Variants in PTCHD4 observed in about 807,000 individuals in gnomAD.
The protein encoded by PTCHD4 is patched domain containing 4.
In PTCHD4, 33 loss-of-function variants were observed where a neutral mutation model predicts 58.1. That is an observed-to-expected ratio of 0.57 (90% CI 0.43 to 0.76). The LOEUF is 0.76. Among genes scored for constraint, PTCHD4 ranks in the 30% least tolerant of loss-of-function variants. PTCHD4 has a pLI of 0.00. For missense variants in PTCHD4, 1,058 were observed against 1,027.1 expected, an observed-to-expected ratio of 1.03 and a Z score of -0.41; for synonymous variants, 478 against 409.6, an observed-to-expected ratio of 1.17 and a Z score of -2.02.
chr6:47,881,043 C>T (rs1403786852), intron 4 of PTCHD4, among the ~76,000 whole-genome samples: 1 of 152,100 alleles, frequency 6.6e-6, no homozygotes, highest in African/African-American at 2.4e-5. Flanking sequence ...TACATAGGAA[C>T]CTTTTCTGTG....
At chr6:48,063,452 G>A (rs1424583368) in intron 3 of PTCHD4, among the ~76,000 whole-genome samples, 11 of 152,118 alleles carry the variant, frequency 7.2e-5, no homozygotes, top group African/African-American at 2.7e-4. Flanking sequence ...ATAAAGGGCT[G>A]TTGTTACAGA....
Position 47,864,015 on chromosome 6 carries a change from T to A in PTCHD4, c.*14288A>T, listed in dbSNP as rs181244463. ...GAGAAGCTGACCTTTGTCCTCACCTTCTTCCCTGGACAGATTTAATCCAAC... is the reference window on the plus strand; with the variant it reads ...GAGAAGCTGACCTTTGTCCTCACCTACTTCCCTGGACAGATTTAATCCAAC... On this transcript the variant is annotated 3_prime_UTR_variant, in exon 5 of 5. Coordinates refer to ENST00000339488, the MANE Select transcript of PTCHD4 (RefSeq NM_001384253.1). Among the ~76,000 whole-genome samples the A allele has an allele frequency of 5.0e-4, 76 of 152,114 alleles. No homozygotes were observed. The highest frequency in any genetic ancestry group is 1.6e-3 in the African/African-American group (68 of 41,526).
At chr6:48,018,781 C>G (rs546618089) in intron 3 of PTCHD4, among the ~76,000 whole-genome samples, 1 of 152,172 alleles carries the variant, frequency 6.6e-6, no homozygotes, top group African/African-American at 2.4e-5. Flanking sequence ...TTCTTAAAAG[C>G]AGGCATTCCG....
In PTCHD4 at chr6:48,073,425, T is replaced by C. The variant is rs186879634; in HGVS notation, c.-969-3499A>G. Among the ~76,000 whole-genome samples the C allele has an allele frequency of 1.3e-3, 192 of 152,314 alleles. 1 individual carries two copies. The highest frequency in any genetic ancestry group is 2.5e-3 in the Admixed American group (38 of 15,294). ...GGTCCTGTTTGTTCATAAATATAGA[T>C]TACATTTATTCACTTGCTCAATTCA... On this transcript the variant is annotated intron_variant, in intron 1 of 4. Transcript: ENST00000339488.
intron 4 of PTCHD4, among the ~76,000 whole-genome samples, chr6:47,905,713 G>A (rs998909964): frequency 1.3e-5 from 2 of 152,214 alleles, no homozygotes; most frequent in African/African-American, 4.8e-5. Context: ...ATCACACAGA[G>A]TAGAGGCTTG....
intron 1 of PTCHD4, among the ~76,000 whole-genome samples, chr6:48,075,216 T>C (rs537996481): frequency 6.6e-6 from 1 of 152,300 alleles, no homozygotes; most frequent in African/African-American, 2.4e-5. Context: ...TGTTATGTTG[T>C]TGCATGTTGT....
intron 3 of PTCHD4, among the ~76,000 whole-genome samples, chr6:48,039,351 T>A (rs891252571): frequency 6.6e-6 from 1 of 152,120 alleles, no homozygotes; most frequent in African/African-American, 2.4e-5. Flanking sequence ...AGGATCATCT[T>A]ATTTAGGATT....
intron 1 of PTCHD4, among the ~76,000 whole-genome samples, chr6:48,106,907 C>A (rs1395183189): frequency 6.6e-6 from 1 of 152,100 alleles, no homozygotes; most frequent in African/African-American, 2.4e-5. Flanking sequence ...CATGAAGGAC[C>A]TCTTCAAGGG....
intron 1 of PTCHD4, among the ~76,000 whole-genome samples, chr6:48,098,156 G>A (rs1765513790): frequency 6.6e-6 from 1 of 152,084 alleles, no homozygotes; most frequent in Admixed American, 6.5e-5. Flanking sequence ...ATACCTTCAA[G>A]CATCATTAAT....
chr6:48,029,205 T>C (rs781018667), intron 3 of PTCHD4, among the ~76,000 whole-genome samples: 1 of 152,136 alleles, frequency 6.6e-6, no homozygotes, highest in Non-Finnish European at 1.5e-5. Flanking sequence ...CAATTTTAAA[T>C]CTGTTGTCAC....
intron 4 of PTCHD4, among the ~76,000 whole-genome samples, chr6:47,995,308 G>A (rs532761948): frequency 2.0e-5 from 3 of 152,262 alleles, no homozygotes; most frequent in African/African-American, 7.2e-5. Flanking sequence ...AGTTTCCAGG[G>A]AGCAATGGGA....
intron 4 of PTCHD4, among the ~76,000 whole-genome samples, chr6:47,956,171 C>T (rs1253976917): frequency 6.6e-6 from 1 of 152,088 alleles, no homozygotes; most frequent in South Asian, 2.1e-4. Flanking sequence ...AGTAAGCTTA[C>T]CAATTTGGTT....
Position 47,879,589 on chromosome 6 carries a change from G to C in PTCHD4, c.1246C>G (p.Pro416Ala). The C allele has an allele frequency of 6.2e-7, 1 of 1,613,752 alleles. No homozygotes were observed. Among genetic ancestry groups the C allele is most frequent in the Non-Finnish European group, 8.5e-7 (1 of 1,179,780 alleles). The change falls in exon 5 of 5, where the codon CCT becomes GCT. Residue 416 changes from proline to alanine, a missense_variant. Pro to Ala is a conservative substitution (Grantham distance 27). Coordinates refer to ENST00000339488, the MANE Select transcript of PTCHD4 (RefSeq NM_001384253.1). The stretch of plus-strand genomic sequence containing the variant: ...CTCATCACTGTCTGGAACCACACAG[G>C]TTTGCGATCCAGGTATTCTGCAGAA... ...IPSAEYLDRK[P>A]VWFQTVMSDG...
intron 3 of PTCHD4, among the ~76,000 whole-genome samples, chr6:48,056,232 C>T (rs1030202988): frequency 6.6e-6 from 1 of 152,212 alleles, no homozygotes; most frequent in East Asian, 1.9e-4. Flanking sequence ...TAAAAGGCTA[C>T]TTTCAAAAGC....
chr6:47,969,576 ACATGGTT>A (rs1390462260), intron 4 of PTCHD4, among the ~76,000 whole-genome samples: 1 of 152,194 alleles, frequency 6.6e-6, no homozygotes, highest in African/African-American at 2.4e-5. Context: ...GTGGTATATT[ACATGGTT>A]CAGGTTAAAT....
intron 1 of PTCHD4, among the ~76,000 whole-genome samples, chr6:48,091,726 A>G (rs1765369359): frequency 6.8e-6 from 1 of 147,474 alleles, no homozygotes; most frequent in Non-Finnish European, 1.5e-5. Flanking sequence ...GGCTCACTGC[A>G]ATCTCCACTC....
At chr6:47,903,820 T>C (rs1332631084) in intron 4 of PTCHD4, among the ~76,000 whole-genome samples, 1 of 152,170 alleles carries the variant, frequency 6.6e-6, no homozygotes, top group Admixed American at 6.5e-5. Flanking sequence ...ATTTTGAAAC[T>C]GAAGCAGAAC....
At chr6:47,945,888 T>C (rs1766398304) in intron 4 of PTCHD4, among the ~76,000 whole-genome samples, 1 of 151,866 alleles carries the variant, frequency 6.6e-6, no homozygotes, top group African/African-American at 2.4e-5. Context: ...ATGTAAATAT[T>C]ACCAATTTAG....
At chr6:47,991,534 A>G (rs1028493659) in intron 4 of PTCHD4, among the ~76,000 whole-genome samples, 2 of 152,138 alleles carry the variant, frequency 1.3e-5, no homozygotes, top group Non-Finnish European at 2.9e-5. Context: ...AGAAATAGCA[A>G]TTGTTAAACA....
Sources: allele counts gnomAD v4.1 joint callset (sites outside exome capture counted in the v4.1 genomes callset), GRCh38; gene constraint gnomAD v4.1.1; transcripts MANE v1.5; gene names NCBI Gene and HGNC (gene_info 2026-07-23, HGNC 2026-07-21).